The following SMYD3 variants were observed in gnomAD, a reference collection of about 807,000 sequenced individuals.
SMYD3 encodes the protein histone-lysine N-methyltransferase SMYD3.
SMYD3 carries 36 observed loss-of-function variants against 57.7 expected under a neutral mutation model. That is an observed-to-expected ratio of 0.62 (90% CI 0.48 to 0.82). SMYD3 has a LOEUF of 0.82. Among genes scored for constraint, SMYD3 ranks in the 40% least tolerant of loss-of-function variants. SMYD3 has a pLI of 0.00. For missense variants in SMYD3, 515 were observed against 538.8 expected, an observed-to-expected ratio of 0.96 and a Z score of 0.44; for synonymous variants, 211 against 195.0, an observed-to-expected ratio of 1.08 and a Z score of -0.68.
At chr1:246,347,822 AC>A (rs1558415708) in intron 2 of SMYD3, among the ~76,000 whole-genome samples, 1 of 151,908 alleles carries the variant, frequency 6.6e-6, no homozygotes, top group Non-Finnish European at 1.5e-5. Context: ...TCACTTATAC[AC>A]TGATGGTGGG....
intron 8 of SMYD3, among the ~76,000 whole-genome samples, chr1:245,903,133 A>C (rs2054304092): frequency 6.6e-6 from 1 of 152,220 alleles, no homozygotes; most frequent in Admixed American, 6.5e-5. Context: ...AAATTCAAAG[A>C]GATATCGTAA....
intron 5 of SMYD3, among the ~76,000 whole-genome samples, chr1:246,312,443 T>G (rs567399542): frequency 1.3e-5 from 2 of 152,052 alleles, no homozygotes. Context: ...AATAAAACAA[T>G]AGAGTCAAGA....
intron 1 of SMYD3, among the ~76,000 whole-genome samples, chr1:246,374,106 G>A (rs2066232981): frequency 1.3e-5 from 2 of 152,176 alleles, no homozygotes; most frequent in Non-Finnish European, 2.9e-5. Context: ...TGATTTCAGG[G>A]AGAGGAGATT....
At chr1:246,373,670 A>G (rs2066224631) in intron 1 of SMYD3, among the ~76,000 whole-genome samples, 1 of 152,202 alleles carries the variant, frequency 6.6e-6, no homozygotes, top group Admixed American at 6.5e-5. Flanking sequence ...TGCCATATGG[A>G]ACTTGGGTTG....
At chr1:246,100,268 G>C (rs1388897362) in intron 5 of SMYD3, among the ~76,000 whole-genome samples, 1 of 152,192 alleles carries the variant, frequency 6.6e-6, no homozygotes, top group Non-Finnish European at 1.5e-5. Context: ...TCTCTAAATA[G>C]ACTGCAGAAA....
intron 11 of SMYD3, among the ~76,000 whole-genome samples, chr1:245,761,437 A>G (rs1257274001): frequency 1.3e-5 from 2 of 152,166 alleles, no homozygotes; most frequent in African/African-American, 4.8e-5. Flanking sequence ...AGGCCACATT[A>G]TCCTGAAAAT....
intron 1 of SMYD3, among the ~76,000 whole-genome samples, chr1:246,497,947 A>T (rs2068389962): frequency 6.6e-6 from 1 of 152,206 alleles, no homozygotes; most frequent in Admixed American, 6.5e-5. Flanking sequence ...AAAGATATAA[A>T]TATGGCCTTT....
In SMYD3 at chr1:245,792,957, T is replaced by C. The variant is rs781455021; in HGVS notation, c.1077-28808A>G. On this transcript the variant is annotated intron_variant, in intron 10 of 11. Coordinates refer to ENST00000490107, the MANE Select transcript of SMYD3 (RefSeq NM_001167740.2). ...CTGTGCTGAAAGTAAGAATCTCTGA[T>C]AAAGCCTTGAGTTTCAGAAGACTTG... Among the ~76,000 whole-genome samples the C allele has an allele frequency of 5.9e-5, 9 of 152,288 alleles. No individual in the cohort carries two copies. The East Asian group carries it at 9.7e-4, about 16-fold the overall frequency.
intron 1 of SMYD3, among the ~76,000 whole-genome samples, chr1:246,447,260 G>T (rs1012811982): frequency 6.6e-6 from 1 of 152,176 alleles, no homozygotes; most frequent in Non-Finnish European, 1.5e-5. Flanking sequence ...AGGTAATTAA[G>T]TAAGTAGAGT....
chr1:246,376,142 T>C (rs1287320589), intron 1 of SMYD3, among the ~76,000 whole-genome samples: 1 of 152,150 alleles, frequency 6.6e-6, no homozygotes, highest in Non-Finnish European at 1.5e-5. Context: ...AAAACAGATA[T>C]GGTCTGATTA....
At chr1:246,116,249 T>C (rs1398969946) in intron 5 of SMYD3, among the ~76,000 whole-genome samples, 15 of 117,664 alleles carry the variant, frequency 1.3e-4, no homozygotes, top group South Asian at 2.9e-4. Context: ...CACACACACA[T>C]TCTGCTAAAT....
At chr1:246,196,028 CTTCT>C (rs2062826546) in intron 5 of SMYD3, among the ~76,000 whole-genome samples, 1 of 152,058 alleles carries the variant, frequency 6.6e-6, no homozygotes, top group Non-Finnish European at 1.5e-5. Flanking sequence ...TTTACTGTCA[CTTCT>C]TTATTTAAAA....
At position 245,928,038 on chromosome 1, in the gene SMYD3, A is replaced by G. The variant is rs999383419; in HGVS notation, c.600-5T>C. 26 of 1,572,108 alleles carry G rather than the reference A, an allele frequency of 1.7e-5. No homozygotes were observed. The highest frequency in any genetic ancestry group is 2.2e-5 in the Non-Finnish European group (25 of 1,150,998). ...CTGTGATTGAGCAAAGAGATACTGG[A>G]AAAAAAAAGGGGGGAAGACTGTCAC... is the stretch of plus-strand genomic sequence containing the variant. On this transcript the variant is annotated splice_region_variant and splice_polypyrimidine_tract_variant and intron_variant, in intron 6 of 11. Coordinates refer to ENST00000490107, the MANE Select transcript of SMYD3 (RefSeq NM_001167740.2).
chr1:246,420,483 A>C (rs987979245), intron 1 of SMYD3, among the ~76,000 whole-genome samples: 1 of 152,218 alleles, frequency 6.6e-6, no homozygotes, highest in Non-Finnish European at 1.5e-5. Flanking sequence ...ATCATCATCC[A>C]AGGTTCGTTT....
chr1:246,102,287 T>A (rs747986904), intron 5 of SMYD3, among the ~76,000 whole-genome samples: 1 of 152,148 alleles, frequency 6.6e-6, no homozygotes, highest in Non-Finnish European at 1.5e-5. Context: ...TCCCCAATAT[T>A]GCTGCTCTAG....
intron 1 of SMYD3, among the ~76,000 whole-genome samples, chr1:246,482,674 C>T (rs953256903): frequency 5.9e-5 from 9 of 152,140 alleles, no homozygotes; most frequent in South Asian, 2.1e-4. Context: ...GAAGGGCCAG[C>T]CCCTGAACTA....
At chr1:246,250,290 T>A (rs1047696778) in intron 5 of SMYD3, among the ~76,000 whole-genome samples, 1 of 152,226 alleles carries the variant, frequency 6.6e-6, no homozygotes, top group Non-Finnish European at 1.5e-5. Context: ...AACTCAGTTA[T>A]CATGGAATAG....
chr1:246,291,014 T>C (rs2064678704), intron 5 of SMYD3, among the ~76,000 whole-genome samples: 1 of 150,264 alleles, frequency 6.7e-6, no homozygotes, highest in South Asian at 2.2e-4. Flanking sequence ...GATGGGACAA[T>C]TAAACAAGCT....
chr1:246,472,622 T>TA (rs908629685), intron 1 of SMYD3, among the ~76,000 whole-genome samples: 4 of 151,802 alleles, frequency 2.6e-5, no homozygotes, highest in African/African-American at 9.7e-5. Flanking sequence ...CATGCGCCTG[T>TA]AGTCCCAGCT....
Sources: allele counts gnomAD v4.1 joint callset (sites outside exome capture counted in the v4.1 genomes callset), GRCh38; gene constraint gnomAD v4.1.1; transcripts MANE v1.5; gene names NCBI Gene and HGNC (gene_info 2026-07-23, HGNC 2026-07-21).